The following GPR176 variants were observed in gnomAD, a reference collection of about 807,000 sequenced individuals.
GPR176 encodes the protein G protein-coupled receptor 176.
Under a neutral mutation model 35.4 loss-of-function variants are expected in GPR176, and 26 were observed. The observed-to-expected ratio is 0.74, with a 90% CI of 0.54 to 1.02. GPR176 has a LOEUF of 1.02. Among genes scored for constraint, GPR176 ranks in the 50% least tolerant of loss-of-function variants. The pLI is 0.00. For missense variants in GPR176, 597 were observed against 665.3 expected, an observed-to-expected ratio of 0.90 and a Z score of 1.13; for synonymous variants, 278 against 271.3, an observed-to-expected ratio of 1.02 and a Z score of -0.24.
At chr15:39,841,240 C>T (rs1185506544) in intron 1 of GPR176, among the ~76,000 whole-genome samples, 1 of 152,090 alleles carries the variant, frequency 6.6e-6, no homozygotes, top group Non-Finnish European at 1.5e-5. Flanking sequence ...TAATAACGAC[C>T]AATACATATT....
At chr15:39,833,307 A>C (rs1901208604) in intron 1 of GPR176, among the ~76,000 whole-genome samples, 1 of 152,232 alleles carries the variant, frequency 6.6e-6, no homozygotes, top group Non-Finnish European at 1.5e-5. Flanking sequence ...ATACAATGAA[A>C]TATTAAAAGG....
intron 1 of GPR176, among the ~76,000 whole-genome samples, chr15:39,816,123 T>C (rs970080378): frequency 2.0e-4 from 31 of 152,312 alleles, no homozygotes; most frequent in South Asian, 1.0e-3. Context: ...GAGTGTAGAA[T>C]GGGCTGCCAG....
chr15:39,829,711 A>G (rs1313694905), intron 1 of GPR176, among the ~76,000 whole-genome samples: 1 of 152,106 alleles, frequency 6.6e-6, no homozygotes, highest in African/African-American at 2.4e-5. Context: ...CTCAAGGCCA[A>G]CATTCACCCA....
intron 1 of GPR176, among the ~76,000 whole-genome samples, chr15:39,871,849 CA>C (rs749896414): frequency 6.6e-6 from 1 of 152,160 alleles, no homozygotes; most frequent in Non-Finnish European, 1.5e-5. Flanking sequence ...GATTTGAATT[CA>C]AAGCACATAC....
At chr15:39,826,617 C>T (rs1034937122) in intron 1 of GPR176, among the ~76,000 whole-genome samples, 9 of 152,242 alleles carry the variant, frequency 5.9e-5, no homozygotes, top group African/African-American at 1.4e-4. Context: ...CTTTCCTCTA[C>T]ATTAATGTAA....
chr15:39,871,734 T>C (rs558005737), intron 1 of GPR176, among the ~76,000 whole-genome samples: 4 of 152,318 alleles, frequency 2.6e-5, no homozygotes, highest in Non-Finnish European at 5.9e-5. Context: ...TGCACGAACT[T>C]TTCCACCCAT....
chr15:39,920,053 C>T lies in GPR176; in HGVS notation c.-27G>A. On this transcript the variant is annotated 5_prime_UTR_variant, in exon 1 of 3. Coordinates refer to ENST00000561100, the MANE Select transcript of GPR176 (RefSeq NM_007223.3). Reference sequence around the variant, plus strand: ...GCGAGGCTGGGACTCCGGCTCCGCGCGCCGCCCGCCTCGGAGCCCCGCGCG... The same window carrying T: ...GCGAGGCTGGGACTCCGGCTCCGCGTGCCGCCCGCCTCGGAGCCCCGCGCG... 7.8e-7 allele frequency: 1 copy of T among 1,281,804 alleles called. No individual in the cohort carries two copies. Among genetic ancestry groups the T allele is most frequent in the Non-Finnish European group, 9.9e-7 (1 of 1,007,822 alleles). The allele number at this position is 1,281,804 out of a possible 1,614,324, so 79.4% of individuals were successfully genotyped here.
chr15:39,806,734 C>A (rs936669171), intron 2 of GPR176, among the ~76,000 whole-genome samples: 2 of 152,234 alleles, frequency 1.3e-5, no homozygotes, highest in Non-Finnish European at 2.9e-5. Context: ...CCAAGCTGAA[C>A]TGACACCATG....
intron 1 of GPR176, among the ~76,000 whole-genome samples, chr15:39,876,092 AG>A (rs1211208573): frequency 2.6e-5 from 4 of 151,890 alleles, no homozygotes; most frequent in Non-Finnish European, 5.9e-5. Flanking sequence ...TTGAGACTGC[AG>A]TGAGCCACGA....
intron 1 of GPR176, among the ~76,000 whole-genome samples, chr15:39,901,637 A>G (rs1475976535): frequency 2.0e-5 from 3 of 151,804 alleles, no homozygotes; most frequent in African/African-American, 7.3e-5. Flanking sequence ...TCCCTTCCCA[A>G]CTCTCCTGGC....
Position 39,920,039 on chromosome 15 carries a change from A to C in GPR176, c.-13T>G. ...CGTTATGTCCCATGGCGAGGCTGGG[A>C]CTCCGGCTCCGCGCGCCGCCCGCCT... is the stretch of plus-strand genomic sequence containing the variant. On this transcript the variant is annotated 5_prime_UTR_variant, in exon 1 of 3. Coordinates refer to ENST00000561100, the MANE Select transcript of GPR176 (RefSeq NM_007223.3). 1 of 1,297,208 alleles carries C rather than the reference A, an allele frequency of 7.7e-7. No homozygotes were observed. The highest frequency in any genetic ancestry group is 9.8e-7 in the Non-Finnish European group (1 of 1,015,768). 80.4% of individuals were successfully genotyped at this position (1,297,208 alleles called of 1,614,324 possible). A position where few individuals can be genotyped will look rare whatever the true frequency, so the allele number is the denominator to read the frequency against.
chr15:39,868,356 T>C (rs1194228989), intron 1 of GPR176, among the ~76,000 whole-genome samples: 1 of 152,034 alleles, frequency 6.6e-6, no homozygotes, highest in Non-Finnish European at 1.5e-5. Flanking sequence ...AGGCAGTCCA[T>C]AAACCAGCCT....
rs1274945207 is a variant in GPR176, at chr15:39,801,545, G to A, written c.1135C>T (p.Gln379Ter). The A allele has an allele frequency of 6.2e-7, 1 of 1,613,964 alleles. No individual in the cohort carries two copies. The highest frequency in any genetic ancestry group is 8.5e-7 in the Non-Finnish European group (1 of 1,179,932). The change falls in exon 3 of 3, where the codon CAG (glutamine) becomes TAG (stop). Residue 379 changes from glutamine (Q) to a stop codon, truncating the protein, a stop_gained. Coordinates refer to ENST00000561100, the MANE Select transcript of GPR176 (RefSeq NM_007223.3). LOFTEE classifies it high-confidence loss of function. ...TCATCCTCTGTGGGCTTAAAGATCT[G>A]CTGCTGCCCAATGTGGAACATCTCC... ...LLEMFHIGQQ[Q>*]IFKPTEDEEE...
At chr15:39,914,528 T>C (rs748605710) in intron 1 of GPR176, among the ~76,000 whole-genome samples, 4 of 152,144 alleles carry the variant, frequency 2.6e-5, no homozygotes, top group Non-Finnish European at 5.9e-5. Flanking sequence ...TTGGCCAGGC[T>C]GGTCTCGAAC....
rs889549051 is a variant in GPR176 at position 39,808,761 on chromosome 15, G to A, written c.173-1503C>T. Among the ~76,000 whole-genome samples, 7 of 152,126 alleles carry A rather than the reference G, an allele frequency of 4.6e-5. No individual in the cohort carries two copies. In the East Asian group the frequency reaches 5.8e-4, roughly 13 times the overall value. ...GAATTTGTAAAATAAGCAGACACAC[G>A]GTAATCAAAAGTCCCTGTGGTAAGA... On this transcript the variant is annotated intron_variant, in intron 1 of 2. Coordinates refer to ENST00000561100, the MANE Select transcript of GPR176 (RefSeq NM_007223.3).
intron 1 of GPR176, among the ~76,000 whole-genome samples, chr15:39,864,417 C>T (rs967756872): frequency 1.3e-5 from 2 of 151,954 alleles, no homozygotes; most frequent in African/African-American, 4.8e-5. Flanking sequence ...CAACAAATGC[C>T]GCTGGGAAAA....
At chr15:39,843,044 TAAAAA>T (rs78166817) in intron 1 of GPR176, among the ~76,000 whole-genome samples, 2 of 144,118 alleles carry the variant, frequency 1.4e-5, no homozygotes, top group African/African-American at 2.5e-5. Context: ...TTCACACTAT[TAAAAA>T]AAAAAAAGTG....
chr15:39,874,834 G>A (rs373706397), intron 1 of GPR176, among the ~76,000 whole-genome samples: 3 of 152,062 alleles, frequency 2.0e-5, no homozygotes, highest in South Asian at 2.1e-4. Flanking sequence ...ACCTGAGGTC[G>A]GGAGTTCAAG....
intron 1 of GPR176, among the ~76,000 whole-genome samples, chr15:39,891,712 A>G (rs2032879013): frequency 6.6e-6 from 1 of 152,178 alleles, no homozygotes; most frequent in Non-Finnish European, 1.5e-5. Flanking sequence ...GGTGGCATAT[A>G]CCTGTACTAC....
Sources: allele counts gnomAD v4.1 joint callset (sites outside exome capture counted in the v4.1 genomes callset), GRCh38; gene constraint gnomAD v4.1.1; transcripts MANE v1.5; gene names NCBI Gene and HGNC (gene_info 2026-07-23, HGNC 2026-07-21).